The following AFF3 variants were observed in gnomAD, a reference collection of about 807,000 sequenced individuals.
AFF3 encodes AF4/FMR2 family member 3.
In AFF3, 32 loss-of-function variants were observed where a neutral mutation model predicts 129.7. That is an observed-to-expected ratio of 0.25 (90% confidence interval 0.19 to 0.33). AFF3 has a LOEUF of 0.33. AFF3 is among the 10% of genes least tolerant of loss of function. AFF3 has a pLI of 1.00. For missense variants in AFF3, 1,373 were observed against 1,592.0 expected (o/e 0.86, Z 2.34); for synonymous variants, 644 against 635.4 (o/e 1.01, Z -0.20).
intron 7 of AFF3, among the ~76,000 whole-genome samples, chr2:99,937,811 G>A (rs1290836633): frequency 6.6e-6 from 1 of 152,158 alleles, no homozygotes; most frequent in East Asian, 1.9e-4. Flanking sequence ...AAGAGAGGGT[G>A]GTTATAATTG....
intron 17 of AFF3, 53 bp from the exon 18 acceptor site, chr2:99,578,504 G>GCAGCC: frequency 6.2e-7 from 1 of 1,603,466 alleles, no homozygotes; most frequent in Non-Finnish European, 8.5e-7. Flanking sequence ...GGTGAAGCGA[G>GCAGCC]CAGCCCATCA....
chr2:99,727,557 G>T (rs990940961), intron 10 of AFF3, among the ~76,000 whole-genome samples: 4 of 117,658 alleles, frequency 3.4e-5, no homozygotes, highest in African/African-American at 1.2e-4. Flanking sequence ...TTGGAGGAAA[G>T]AATTTTTTTT....
chr2:100,033,439 A>C (rs911867625), intron 4 of AFF3, among the ~76,000 whole-genome samples: 1 of 152,224 alleles, frequency 6.6e-6, no homozygotes, highest in Admixed American at 6.5e-5. Flanking sequence ...CGTTACTTCT[A>C]TATGAAACAT....
At chr2:100,089,202 C>T (rs996140678) in intron 4 of AFF3, among the ~76,000 whole-genome samples, 1 of 151,924 alleles carries the variant, frequency 6.6e-6, no homozygotes, top group Non-Finnish European at 1.5e-5. Flanking sequence ...TCGATTATCA[C>T]TCCCTATTTA....
chr2:99,983,906 G>GA (rs1006287217), intron 7 of AFF3, among the ~76,000 whole-genome samples: 9 of 148,278 alleles, frequency 6.1e-5, no homozygotes, highest in Non-Finnish European at 9.0e-5. Context: ...ATTCATTTTG[G>GA]AAAAAAAAAG....
intron 2 of AFF3, chr2:100,107,555 C>T: frequency 1.0e-6 from 1 of 968,238 alleles, no homozygotes; most frequent in African/African-American, 1.8e-5. Context: ...GTGCTTGTGA[C>T]CTGAGGGTCT....
intron 12 of AFF3, among the ~76,000 whole-genome samples, chr2:99,653,873 TTTTTTC>T (rs1359753689): frequency 0.068 from 3,886 of 57,404 alleles, 84 homozygotes; most frequent in East Asian, 0.11. Context: ...CTGCACTGCT[TTTTTTC>T]TTTTTTTTTT....
At chr2:99,589,397 A>ATTTTTTTTT (rs55888825) in intron 15 of AFF3, among the ~76,000 whole-genome samples, 1 of 103,382 alleles carries the variant, frequency 9.7e-6, no homozygotes, top group Non-Finnish European at 1.9e-5. Flanking sequence ...AGATGTCAAC[A>ATTTTTTTTT]TTTTTTTTTT....
intron 11 of AFF3, among the ~76,000 whole-genome samples, chr2:99,673,797 G>A (rs921382127): frequency 6.6e-6 from 1 of 152,160 alleles, no homozygotes. Context: ...TCACTTTTGG[G>A]GCGAACTGGG....
intron 7 of AFF3, among the ~76,000 whole-genome samples, chr2:99,849,907 C>T (rs1056240765): frequency 5.3e-5 from 8 of 152,142 alleles, no homozygotes; most frequent in Non-Finnish European, 7.3e-5. Flanking sequence ...ACAAATACTT[C>T]ATTGTGCTTA....
At chr2:100,016,452 A>T (rs1368526116) in intron 4 of AFF3, among the ~76,000 whole-genome samples, 1 of 134,712 alleles carries the variant, frequency 7.4e-6, no homozygotes, top group Non-Finnish European at 1.6e-5. Flanking sequence ...GGTGGTGGAG[A>T]TGGTGATGGT....
At chr2:99,729,121 C>G (rs1026969320) in intron 10 of AFF3, among the ~76,000 whole-genome samples, 3 of 152,168 alleles carry the variant, frequency 2.0e-5, no homozygotes, top group Admixed American at 1.3e-4. Context: ...AGTCTCTAGC[C>G]TGCAGTAGTT....
At chr2:100,123,650 T>A (rs1692071214) in intron 2 of AFF3, among the ~76,000 whole-genome samples, 1 of 152,152 alleles carries the variant, frequency 6.6e-6, no homozygotes, top group African/African-American at 2.4e-5. Context: ...TTTTGACTCT[T>A]AGAAATCTCC....
At chr2:99,864,644 C>T (rs1183172305) in intron 7 of AFF3, among the ~76,000 whole-genome samples, 1 of 152,114 alleles carries the variant, frequency 6.6e-6, no homozygotes, top group South Asian at 2.1e-4. Flanking sequence ...CACTCTGCTG[C>T]GACTGGTACC....
At chr2:99,909,098 C>A (rs1432666917) in intron 7 of AFF3, among the ~76,000 whole-genome samples, 2 of 152,002 alleles carry the variant, frequency 1.3e-5, no homozygotes, top group Non-Finnish European at 2.9e-5. Context: ...AAATGTCCAA[C>A]AATGATAGAC....
At position 100,009,021 on chromosome 2, in the gene AFF3, G is replaced by A. The variant is rs1383282451; in HGVS notation, c.54-89C>T. On this transcript the variant is annotated intron_variant, in intron 4 of 24. Coordinates refer to ENST00000672756, the MANE Select transcript of AFF3 (RefSeq NM_001386135.1). ...ACACTTGTGTGAGTGCAGAAGTCTG[G>A]TTCGTGGACAAATGGTGATGACAAC... 2.0e-6 allele frequency: 3 copies of A among 1,505,576 alleles called. No homozygotes were observed. In the East Asian group the frequency reaches 7.0e-5, roughly 35 times the overall value. 93.3% of individuals were successfully genotyped at this position (1,505,576 alleles called of 1,614,324 possible).
chr2:99,930,286 G>C (rs1006838386), intron 7 of AFF3, among the ~76,000 whole-genome samples: 2 of 152,156 alleles, frequency 1.3e-5, no homozygotes, highest in Admixed American at 1.3e-4. Context: ...TCCAAGAAAT[G>C]TGAATTCCAA....
At chr2:100,132,383 C>T (rs1257794977) in intron 1 of AFF3, among the ~76,000 whole-genome samples, 1 of 152,018 alleles carries the variant, frequency 6.6e-6, no homozygotes, top group Non-Finnish European at 1.5e-5. Flanking sequence ...TTTTGTCAAT[C>T]AGAAAATAAC....
At chr2:99,806,247 C>T (rs1686337865) in intron 8 of AFF3, among the ~76,000 whole-genome samples, 1 of 152,152 alleles carries the variant, frequency 6.6e-6, no homozygotes, top group Non-Finnish European at 1.5e-5. Flanking sequence ...GGTTAATGTT[C>T]AATTCATTAA....
Sources: allele counts gnomAD v4.1 joint callset (sites outside exome capture counted in the v4.1 genomes callset), GRCh38; gene constraint gnomAD v4.1.1; transcripts MANE v1.5; gene names NCBI Gene and HGNC (gene_info 2026-07-23, HGNC 2026-07-21).